Variants in TOPAZ1 observed in about 807,000 individuals in gnomAD.
TOPAZ1 encodes the protein protein TOPAZ1.
In TOPAZ1, 66 loss-of-function variants were observed where a neutral mutation model predicts 172.2. That is an observed-to-expected ratio of 0.38 (90% CI 0.31 to 0.47). The LOEUF is 0.47. Among genes scored for constraint, TOPAZ1 ranks in the 20% least tolerant of loss-of-function variants. The pLI is 0.99. For missense variants in TOPAZ1, 1,822 were observed against 1,972.4 expected (o/e 0.92, Z 1.44); for synonymous variants, 681 against 683.9 (o/e 1.00, Z 0.07).
At chr3:44,332,947 C>T (rs374455415), downstream of TOPAZ1, among the ~76,000 whole-genome samples, 6 of 151,260 alleles carry the variant, frequency 4.0e-5, no homozygotes, top group African/African-American at 7.3e-5. Context: ...TACAGGTATG[C>T]GCCACCATGC....
intron 11 of TOPAZ1, among the ~76,000 whole-genome samples, chr3:44,289,008 T>A (rs1428927888): frequency 6.6e-6 from 1 of 152,198 alleles, no homozygotes; most frequent in African/African-American, 2.4e-5. Flanking sequence ...CCATACTCCA[T>A]GTATTTAACA....
Position 44,268,640 on chromosome 3 carries a change from C to T in TOPAZ1, c.3161-576C>T, listed in dbSNP as rs140531503. Among the ~76,000 whole-genome samples the T allele has an allele frequency of 4.1e-3, 623 of 152,124 alleles. 9 individuals carry two copies. The highest frequency in any genetic ancestry group is 0.014 in the African/African-American group (595 of 41,498). On this transcript the variant is annotated intron_variant, in intron 6 of 19. Coordinates refer to ENST00000309765, the MANE Select transcript of TOPAZ1 (RefSeq NM_001145030.2). ...TCAGGCAATCTGCCCACGTGGGCCT[C>T]CCAAAGTGCTGAGATTACAGGTGTG...
chr3:44,331,647 T>G, intron 19 of TOPAZ1, 145 bp from the exon 20 acceptor site: 1 of 700,544 alleles, frequency 1.4e-6, no homozygotes, highest in Non-Finnish European at 2.4e-6. Context: ...TGGGTCATGA[T>G]CAAAAAAGTT....
At chr3:44,256,948 T>C (rs1402112752) in intron 4 of TOPAZ1, among the ~76,000 whole-genome samples, 1 of 152,178 alleles carries the variant, frequency 6.6e-6, no homozygotes, top group African/African-American at 2.4e-5. Context: ...TAGAAATGCT[T>C]CCTTATTGAT....
intron 4 of TOPAZ1, among the ~76,000 whole-genome samples, chr3:44,260,501 C>G (rs1054365669): frequency 6.6e-6 from 1 of 151,948 alleles, no homozygotes; most frequent in Non-Finnish European, 1.5e-5. Context: ...AAATTTTCTC[C>G]CATATTTTCT....
At position 44,321,008 on chromosome 3, in the gene TOPAZ1, A is replaced by AT; in HGVS notation, c.4307-12dup. 6 of 1,494,926 alleles carry AT rather than the reference A, an allele frequency of 4.0e-6. No homozygotes were observed. Among genetic ancestry groups the AT allele is most frequent in the East Asian group, 2.5e-5 (1 of 40,318 alleles). The allele number at this position is 1,494,926 out of a possible 1,614,324, so 92.6% of individuals were successfully genotyped here. ...CATTTTCATGGTATAAACTATTCAT[A>AT]TTTTTTTCTTTTTGGAAGAGTCAGA... On this transcript the variant is annotated intron_variant, in intron 16 of 19. Transcript: ENST00000309765.
At chr3:44,269,076 T>G in intron 6 of TOPAZ1, 140 bp from the exon 7 acceptor site, 1 of 640,092 alleles carries the variant, frequency 1.6e-6, no homozygotes, top group Non-Finnish European at 2.8e-6. Context: ...GGAACACACA[T>G]GGCAGCACAG....
intron 12 of TOPAZ1, among the ~76,000 whole-genome samples, chr3:44,292,022 G>C (rs1308532171): frequency 3.9e-5 from 6 of 152,172 alleles, no homozygotes; most frequent in Non-Finnish European, 1.5e-5. Context: ...ACAGGTGTCA[G>C]CCTTAACATA....
intron 16 of TOPAZ1, among the ~76,000 whole-genome samples, chr3:44,318,324 C>T (rs1037754562): frequency 1.3e-5 from 2 of 152,074 alleles, no homozygotes; most frequent in Non-Finnish European, 2.9e-5. Flanking sequence ...TGGTGGCAGG[C>T]ACGTGTAGTC....
intron 18 of TOPAZ1, 148 bp from the exon 19 acceptor site, chr3:44,328,102 C>T: frequency 1.9e-6 from 1 of 519,168 alleles, no homozygotes; most frequent in Non-Finnish European, 3.3e-6. Flanking sequence ...GCCAAATATA[C>T]TAGGATAAGC....
At chr3:44,305,553 A>G (rs1700327310) in intron 14 of TOPAZ1, among the ~76,000 whole-genome samples, 1 of 151,996 alleles carries the variant, frequency 6.6e-6, no homozygotes, top group Non-Finnish European at 1.5e-5. Context: ...TATTTTTTGT[A>G]GACACAGAAT....
At chr3:44,288,291 A>G (rs993920988) in intron 11 of TOPAZ1, among the ~76,000 whole-genome samples, 2 of 152,052 alleles carry the variant, frequency 1.3e-5, no homozygotes, top group Non-Finnish European at 1.5e-5. Flanking sequence ...CAGAAGCAAC[A>G]TTGGAAGAAC....
At chr3:44,287,995 A>C (rs1002642915) in intron 11 of TOPAZ1, among the ~76,000 whole-genome samples, 156 bp downstream of exon 11, 9 of 152,226 alleles carry the variant, frequency 5.9e-5, no homozygotes, top group Middle Eastern at 3.4e-3. Context: ...AATAGGGTTT[A>C]TAAAAAAAGA....
Position 44,309,802 on chromosome 3 carries a change from A to G in TOPAZ1, c.4141-23A>G, listed in dbSNP as rs1423143765. 5 of 1,421,422 alleles carry G rather than the reference A, an allele frequency of 3.5e-6. No homozygotes were observed. The East Asian group carries it at 1.2e-4, about 35-fold the overall frequency. 88.1% of individuals were successfully genotyped at this position (1,421,422 alleles called of 1,614,324 possible). A position where few individuals can be genotyped will look rare whatever the true frequency, so the allele number is the denominator to read the frequency against. On this transcript the variant is annotated intron_variant, in intron 15 of 19. Coordinates refer to ENST00000309765, the MANE Select transcript of TOPAZ1 (RefSeq NM_001145030.2). ...GTTTGTAAATGATTGATACCCAATT[A>G]GTGTTCTTTATTTTTATTCTAGGGA...
intron 4 of TOPAZ1, among the ~76,000 whole-genome samples, chr3:44,258,177 AT>A (rs1415152555): frequency 6.6e-6 from 1 of 152,238 alleles, no homozygotes; most frequent in Non-Finnish European, 1.5e-5. Flanking sequence ...TAATAGAGGC[AT>A]TTAGTGCTAT....
chr3:44,282,471 C>T (rs1240507660), intron 9 of TOPAZ1, among the ~76,000 whole-genome samples: 1 of 152,170 alleles, frequency 6.6e-6, no homozygotes, highest in African/African-American at 2.4e-5. Flanking sequence ...CTACTATTAC[C>T]ACTTCTCTCT....
intron 5 of TOPAZ1, among the ~76,000 whole-genome samples, chr3:44,264,358 C>T (rs956352788): frequency 7.2e-5 from 11 of 152,076 alleles, no homozygotes; most frequent in African/African-American, 2.2e-4. Context: ...TTTCCTAGTG[C>T]GTATAAAAGT....
At chr3:44,331,174 T>G (rs1444214156) in intron 19 of TOPAZ1, among the ~76,000 whole-genome samples, 1 of 152,226 alleles carries the variant, frequency 6.6e-6, no homozygotes, top group Non-Finnish European at 1.5e-5. Context: ...TAAATCAGTA[T>G]TTTTCAAACT....
rs981685164 is a variant in TOPAZ1 at position 44,272,991 on chromosome 3, A to C, written c.3372+2181A>C. Among the ~76,000 whole-genome samples the C allele has an allele frequency of 4.6e-5, 7 of 152,354 alleles. No homozygotes were observed. In the East Asian group the frequency reaches 5.8e-4, roughly 13 times the overall value. On this transcript the variant is annotated intron_variant, in intron 8 of 19. Coordinates refer to ENST00000309765, the MANE Select transcript of TOPAZ1 (RefSeq NM_001145030.2). Reference sequence around the variant, plus strand: ...TATTTCTCCCAACCTATAGGTTGTCAAAACTCAATCTTAAACAAACCAACA... The same window carrying C: ...TATTTCTCCCAACCTATAGGTTGTCCAAACTCAATCTTAAACAAACCAACA...
Sources: gnomAD v4.1 joint callset for allele counts (sites outside exome capture counted in the v4.1 genomes callset) on GRCh38, gnomAD v4.1.1 for gene constraint, MANE v1.5 for transcripts, NCBI Gene and HGNC (gene_info 2026-07-23, HGNC 2026-07-21) for gene names.